Variants in DGKB observed in about 807,000 individuals in gnomAD.
DGKB encodes the protein diacylglycerol kinase beta.
In DGKB, 67 loss-of-function variants were observed where a neutral mutation model predicts 114.3. The observed-to-expected ratio is 0.59, with a 90% confidence interval of 0.48 to 0.72. The LOEUF is 0.72. Among genes scored for constraint, DGKB ranks in the 30% least tolerant of loss-of-function variants. The pLI, the probability that DGKB is intolerant of heterozygous loss-of-function variation, is 0.00. For synonymous variants in DGKB, 398 were observed against 323.1 expected (o/e 1.23, Z -2.49); for missense variants, 907 against 975.2 (o/e 0.93, Z 0.93).
intron 2 of DGKB, among the ~76,000 whole-genome samples, chr7:14,832,310 C>A (rs935533339): frequency 9.2e-5 from 14 of 152,020 alleles, no homozygotes; most frequent in African/African-American, 2.9e-4. Flanking sequence ...TCTTTTGTCA[C>A]AAATTATTTC....
At chr7:14,325,371 G>A (rs1808538770) in intron 23 of DGKB, among the ~76,000 whole-genome samples, 1 of 152,138 alleles carries the variant, frequency 6.6e-6, no homozygotes, top group South Asian at 2.1e-4. Context: ...GATGGTAGAT[G>A]TGCAACTGAA....
chr7:14,220,779 C>T (rs1304347880), intron 23 of DGKB, among the ~76,000 whole-genome samples: 1 of 151,426 alleles, frequency 6.6e-6, no homozygotes, highest in Non-Finnish European at 1.5e-5. Context: ...TGTTTATTTA[C>T]ATCTTCTTTA....
intron 21 of DGKB, among the ~76,000 whole-genome samples, chr7:14,473,500 T>C (rs1202232629): frequency 1.3e-5 from 2 of 152,140 alleles, no homozygotes; most frequent in East Asian, 3.9e-4. Context: ...AAGGGAAATG[T>C]GGGGTCAGAA....
chr7:14,838,622 C>T (rs1053680315), intron 2 of DGKB, among the ~76,000 whole-genome samples: 1 of 151,958 alleles, frequency 6.6e-6, no homozygotes, highest in African/African-American at 2.4e-5. Flanking sequence ...AATCTGAATC[C>T]CCACTTTTCC....
chr7:14,250,274 T>C (rs1795038889), intron 23 of DGKB, among the ~76,000 whole-genome samples: 1 of 151,954 alleles, frequency 6.6e-6, no homozygotes, highest in South Asian at 2.1e-4. Flanking sequence ...TGGTTTCTTT[T>C]CTTAATGTAA....
rs1202403548 is a variant in DGKB, at chr7:14,714,859, G to C, written c.466+3683C>G. Among the ~76,000 whole-genome samples, 3 of 152,268 alleles carry C rather than the reference G, an allele frequency of 2.0e-5. No homozygotes were observed. The East Asian group carries it at 5.8e-4, about 29-fold the overall frequency. ...AGATCAGTTTAAATTTGAAAGGATGGGCAACCAAAAGTCAGCAAGCAAATT... is the reference window on the plus strand; with the variant it reads ...AGATCAGTTTAAATTTGAAAGGATGCGCAACCAAAAGTCAGCAAGCAAATT... On this transcript the variant is annotated intron_variant, in intron 6 of 25. Transcript: ENST00000402815.
chr7:14,752,991 A>G (rs1035851722), intron 4 of DGKB, among the ~76,000 whole-genome samples: 1 of 152,194 alleles, frequency 6.6e-6, no homozygotes, highest in African/African-American at 2.4e-5. Context: ...TCTGAAATGG[A>G]GGCTAGTAAA....
chr7:14,496,660 A>G (rs1246023174), intron 20 of DGKB, among the ~76,000 whole-genome samples: 2 of 151,722 alleles, frequency 1.3e-5, no homozygotes, highest in African/African-American at 4.8e-5. Context: ...TTAACTACTC[A>G]TTTTTCTTTG....
intron 23 of DGKB, among the ~76,000 whole-genome samples, chr7:14,200,727 T>C (rs999337388): frequency 1.3e-5 from 2 of 151,994 alleles, no homozygotes; most frequent in Non-Finnish European, 2.9e-5. Flanking sequence ...AAAAAGCTAT[T>C]AGTCTCCTTA....
intron 20 of DGKB, among the ~76,000 whole-genome samples, chr7:14,507,632 T>A (rs1185813106): frequency 6.6e-6 from 1 of 152,196 alleles, no homozygotes; most frequent in Non-Finnish European, 1.5e-5. Context: ...TTTTCAGGTA[T>A]CCAGGGAGGG....
At chr7:14,596,164 C>T (rs1474932660) in intron 17 of DGKB, among the ~76,000 whole-genome samples, 1 of 152,096 alleles carries the variant, frequency 6.6e-6, no homozygotes. Flanking sequence ...ATAGGCTGTG[C>T]TCTACAAGCA....
intron 20 of DGKB, among the ~76,000 whole-genome samples, chr7:14,541,237 T>C (rs1459615909): frequency 6.6e-6 from 1 of 152,276 alleles, no homozygotes; most frequent in East Asian, 1.9e-4. Context: ...GTTATACAAA[T>C]GATGCTACAC....
intron 1 of DGKB, among the ~76,000 whole-genome samples, chr7:14,942,732 G>A (rs987682077): frequency 1.6e-4 from 24 of 152,012 alleles, no homozygotes; most frequent in African/African-American, 5.8e-4. Flanking sequence ...TCTTTCCCCA[G>A]ATATTTGCAT....
intron 23 of DGKB, among the ~76,000 whole-genome samples, chr7:14,259,425 A>G (rs990655224): frequency 3.8e-4 from 54 of 142,316 alleles, no homozygotes; most frequent in Non-Finnish European, 6.4e-4. Context: ...ATATATATAT[A>G]TATGGTTTTG....
In DGKB at chr7:14,493,851, C is replaced by A. The variant is rs62443475; in HGVS notation, c.1771-15626G>T. On this transcript the variant is annotated intron_variant, in intron 20 of 25. Coordinates refer to ENST00000402815, the MANE Select transcript of DGKB (RefSeq NM_001350709.2). ...CTGTAATATTAAGCATTCTACATTTCTGGACTTATCCAGCATGTAAACTTC... is the reference window on the plus strand; with the variant it reads ...CTGTAATATTAAGCATTCTACATTTATGGACTTATCCAGCATGTAAACTTC... 5.8e-3 allele frequency among the ~76,000 whole-genome samples: 876 copies of A among 151,816 alleles called. 5 individuals are homozygous for A. The highest frequency in any genetic ancestry group is 0.017 in the Middle Eastern group (5 of 294).
chr7:14,563,662 G>A (rs937134930), intron 20 of DGKB, among the ~76,000 whole-genome samples: 35 of 135,432 alleles, frequency 2.6e-4, no homozygotes, highest in African/African-American at 9.2e-4. Context: ...TTTTTTTTAA[G>A]TTGGTTCTTG....
chr7:14,623,551 T>G (rs1554552649), intron 14 of DGKB, among the ~76,000 whole-genome samples: 1 of 152,144 alleles, frequency 6.6e-6, no homozygotes, highest in Non-Finnish European at 1.5e-5. Flanking sequence ...ATATTAGGGC[T>G]AGATGGATCA....
intron 21 of DGKB, among the ~76,000 whole-genome samples, chr7:14,460,683 TCAGA>T (rs1455927768): frequency 6.6e-6 from 1 of 152,066 alleles, no homozygotes; most frequent in African/African-American, 2.4e-5. Flanking sequence ...ACTGTCAATA[TCAGA>T]CAGATCAACA....
chr7:14,633,392 A>G (rs907999588), intron 13 of DGKB, among the ~76,000 whole-genome samples: 5 of 151,894 alleles, frequency 3.3e-5, no homozygotes, highest in Admixed American at 3.3e-4. Context: ...GCAACACTAG[A>G]AATTTACTCC....
Sources: gnomAD v4.1 joint callset for allele counts (sites outside exome capture counted in the v4.1 genomes callset) on GRCh38, gnomAD v4.1.1 for gene constraint, MANE v1.5 for transcripts, NCBI Gene and HGNC (gene_info 2026-07-23, HGNC 2026-07-21) for gene names.